COLGALT2: variants seen among roughly 807,000 people sequenced by gnomAD.
COLGALT2 encodes the protein collagen beta(1-O)galactosyltransferase 2.
A neutral mutation model predicts 73.4 loss-of-function variants in COLGALT2; 49 were observed. The ratio of observed to expected loss-of-function variants is 0.67; its 90% CI spans 0.53 to 0.85. COLGALT2 has a LOEUF of 0.85. COLGALT2 is among the 40% of genes least tolerant of loss of function. The pLI, the probability that COLGALT2 is intolerant of heterozygous loss-of-function variation, is 0.00. For missense variants in COLGALT2, 722 were observed against 790.2 expected (o/e 0.91, Z 1.03); for synonymous variants, 295 against 307.6 (o/e 0.96, Z 0.43).
At chr1:183,961,345 G>A (rs1670694184) in intron 6 of COLGALT2, among the ~76,000 whole-genome samples, 1 of 151,660 alleles carries the variant, frequency 6.6e-6, no homozygotes, top group African/African-American at 2.4e-5. Flanking sequence ...GTGCATTTCT[G>A]TGTACTGAGA....
chr1:183,964,304 G>C (rs1463453910), intron 5 of COLGALT2: 2 of 399,922 alleles, frequency 5.0e-6, no homozygotes, highest in Non-Finnish European at 8.8e-6. Flanking sequence ...GAACAAAAAA[G>C]GCATGAAAGG....
chr1:184,037,514 C>T lies in COLGALT2; in HGVS notation c.-157G>A. 1.7e-6 allele frequency: 2 copies of T among 1,155,760 alleles called. No individual in the cohort carries two copies. Among genetic ancestry groups the T allele is most frequent in the Non-Finnish European group, 2.1e-6 (2 of 940,580 alleles). 71.6% of individuals were successfully genotyped at this position (1,155,760 alleles called of 1,614,324 possible). On this transcript the variant is annotated 5_prime_UTR_variant, in exon 1 of 12. Coordinates refer to ENST00000361927, the MANE Select transcript of COLGALT2 (RefSeq NM_015101.4). ...CCGGCTCACACACTGGCCTCGGCGG[C>T]TGCGGTTCCCAGGACCCTCCCGCCG...
chr1:184,011,316 C>T (rs949663349), intron 1 of COLGALT2, among the ~76,000 whole-genome samples: 18 of 152,166 alleles, frequency 1.2e-4, no homozygotes, highest in African/African-American at 4.3e-4. Flanking sequence ...ACCAGTAAAG[C>T]TTTCATTTCA....
At chr1:183,982,346 A>C (rs1421737960) in intron 1 of COLGALT2, among the ~76,000 whole-genome samples, 1 of 152,206 alleles carries the variant, frequency 6.6e-6, no homozygotes, top group Non-Finnish European at 1.5e-5. Context: ...TGTGCCAAAA[A>C]GTGCAACGTC....
At chr1:183,942,196 C>G (rs2102788795) in intron 10 of COLGALT2, among the ~76,000 whole-genome samples, 1 of 152,254 alleles carries the variant, frequency 6.6e-6, no homozygotes, top group Non-Finnish European at 1.5e-5. Context: ...GATCCACCCG[C>G]CTCGGCCTCC....
intron 1 of COLGALT2, among the ~76,000 whole-genome samples, chr1:183,988,572 A>G (rs550139029): frequency 6.6e-6 from 1 of 152,230 alleles, no homozygotes; most frequent in Admixed American, 6.5e-5. Context: ...GTCCTTTCTT[A>G]TCAATGGAAT....
intron 1 of COLGALT2, among the ~76,000 whole-genome samples, chr1:183,988,240 C>T (rs1459560668): frequency 1.3e-5 from 2 of 152,186 alleles, no homozygotes; most frequent in African/African-American, 4.8e-5. Context: ...ATGATGGCAG[C>T]ACCACAGAAT....
chr1:183,986,074 C>G (rs1237718733), intron 1 of COLGALT2, among the ~76,000 whole-genome samples: 3 of 152,218 alleles, frequency 2.0e-5, no homozygotes, highest in Admixed American at 2.0e-4. Context: ...GCCTCCCCAG[C>G]AGCAGACGTG....
At chr1:183,957,777 G>GGT (rs1670592662) in intron 6 of COLGALT2, among the ~76,000 whole-genome samples, 1 of 119,556 alleles carries the variant, frequency 8.4e-6, no homozygotes, top group South Asian at 2.4e-4. Flanking sequence ...TTTTTGTGGT[G>GGT]GTTTTTTTTT....
chr1:183,929,994 T>G, exon 12 of COLGALT2: 1 of 264,866 alleles, frequency 3.8e-6, no homozygotes, highest in Non-Finnish European at 7.6e-6. Context: ...CATCTCGGTG[T>G]TTCCCTTCCA....
intron 8 of COLGALT2, chr1:183,946,013 A>G (rs1572630669): frequency 6.4e-6 from 1 of 156,172 alleles, no homozygotes; most frequent in African/African-American, 2.4e-5. Flanking sequence ...CACAACTAAG[A>G]GAGCGGCAAA....
chr1:184,017,321 A>G (rs1649034758), intron 1 of COLGALT2, among the ~76,000 whole-genome samples: 1 of 152,216 alleles, frequency 6.6e-6, no homozygotes, highest in African/African-American at 2.4e-5. Context: ...CAAGGCATAG[A>G]GAGAATTAAG....
rs1257047495 is a variant in COLGALT2, at chr1:183,938,887, G to A, written c.1755C>T (p.Thr585=). Residue 585 remains threonine (T), a synonymous_variant, in exon 12 of 12, where the codon ACC becomes ACT. Transcript: ENST00000361927. The part of the protein sequence containing the change: ...STIWDNETVA[T]DWDRTHAWKS... ...TCCAGGCATGTGTCCTATCCCAGTC[G>A]GTGGCCACTGTCTCATTGTCCCAGA... 6.2e-6 allele frequency: 10 copies of A among 1,614,094 alleles called. No individual in the cohort carries two copies. The highest frequency in any genetic ancestry group is 3.3e-5 in the Admixed American group (2 of 60,020).
Position 183,936,386 on chromosome 1 carries a change from G to A in COLGALT2, c.*2375C>T. On this transcript the variant is annotated 3_prime_UTR_variant, in exon 12 of 12. Transcript: ENST00000361927. ...TGCTTGGGATTCTAGACCTGAGCAG[G>A]GAGAAACAAACCGGGCTAAAGGAGA... The A allele has an allele frequency of 3.0e-6, 3 of 985,958 alleles. No homozygotes were observed. The highest frequency in any genetic ancestry group is 3.6e-6 in the Non-Finnish European group (3 of 830,030). 61.1% of individuals were successfully genotyped at this position (985,958 alleles called of 1,614,324 possible). A position where few individuals can be genotyped will look rare whatever the true frequency, so the allele number is the denominator to read the frequency against.
chr1:183,967,660 C>T (rs1039514956), intron 5 of COLGALT2, among the ~76,000 whole-genome samples: 1 of 152,192 alleles, frequency 6.6e-6, no homozygotes, highest in Non-Finnish European at 1.5e-5. Flanking sequence ...CTCTGTTAGG[C>T]AGTGTCATTC....
At chr1:183,958,402 G>A (rs1670609977) in intron 6 of COLGALT2, among the ~76,000 whole-genome samples, 1 of 152,110 alleles carries the variant, frequency 6.6e-6, no homozygotes, top group South Asian at 2.1e-4. Context: ...TGTTGACTGA[G>A]TCACTTCAAA....
chr1:183,983,733 C>G (rs2102824159), intron 1 of COLGALT2, among the ~76,000 whole-genome samples: 1 of 152,352 alleles, frequency 6.6e-6, no homozygotes, highest in South Asian at 2.1e-4. Flanking sequence ...TCAGGAGGAG[C>G]TGAGGCACAG....
At chr1:184,000,868 C>T (rs1484791438) in intron 1 of COLGALT2, among the ~76,000 whole-genome samples, 4 of 137,974 alleles carry the variant, frequency 2.9e-5, no homozygotes, top group African/African-American at 8.3e-5. Context: ...CTCGCTCTGT[C>T]GCCCAGGCTG....
intron 7 of COLGALT2, among the ~76,000 whole-genome samples, chr1:183,953,406 C>A (rs1190763374): frequency 3.3e-5 from 5 of 152,312 alleles, no homozygotes; most frequent in African/African-American, 1.2e-4. Flanking sequence ...CCAGTCCTTA[C>A]ACCGTGTCCT....
Sources: allele counts gnomAD v4.1 joint callset (sites outside exome capture counted in the v4.1 genomes callset), GRCh38; gene constraint gnomAD v4.1.1; transcripts MANE v1.5; gene names NCBI Gene and HGNC (gene_info 2026-07-23, HGNC 2026-07-21).